Variants in TNR observed in about 807,000 individuals in gnomAD.
TNR encodes tenascin R, also known as tenascin-R.
A neutral mutation model predicts 150.4 loss-of-function variants in TNR; 45 were observed. The observed-to-expected ratio is 0.30, with a 90% confidence interval of 0.24 to 0.38. TNR has a LOEUF of 0.38. Ranked by LOEUF, TNR falls within the 10% of genes least tolerant of loss-of-function variation. TNR has a pLI of 1.00. For synonymous variants in TNR, 687 were observed against 678.4 expected, an observed-to-expected ratio of 1.01 and a Z score of -0.20; for missense variants, 1,544 against 1,759.1, an observed-to-expected ratio of 0.88 and a Z score of 2.19.
chr1:175,319,319 G>T lies in TNR; in HGVS notation c.*4038C>A, dbSNP rs1268588917. 6.6e-6 allele frequency: 1 copy of T among 152,238 alleles called. No homozygotes were observed. Among genetic ancestry groups the T allele is most frequent in the African/African-American group, 2.4e-5 (1 of 41,470 alleles). The allele number at this position is 152,238 out of a possible 1,614,324, so 9.4% of individuals were successfully genotyped here. A position where few individuals can be genotyped will look rare whatever the true frequency, so the allele number is the denominator to read the frequency against. ...CATGTTCTGTCTTTTCTCCAGAGGAGAGGACAAAGAGGAACTCATAAACTC... is the reference window on the plus strand; with the variant it reads ...CATGTTCTGTCTTTTCTCCAGAGGATAGGACAAAGAGGAACTCATAAACTC... On this transcript the variant is annotated 3_prime_UTR_variant, in exon 23 of 23. Coordinates refer to ENST00000367674, the MANE Select transcript of TNR (RefSeq NM_003285.3).
intron 2 of TNR, among the ~76,000 whole-genome samples, chr1:175,435,497 T>A (rs1396733824): frequency 6.6e-6 from 1 of 152,166 alleles, no homozygotes; most frequent in Non-Finnish European, 1.5e-5. Context: ...GAGATAGCGA[T>A]TAGAATTCCA....
chr1:175,366,168 C>T (rs375275972), intron 10 of TNR, 30 bp from the exon 11 acceptor site: 1 of 1,558,494 alleles, frequency 6.4e-7, no homozygotes, highest in African/African-American at 1.4e-5. Flanking sequence ...GCCTATTTTA[C>T]ATGTGTTCCC....
At chr1:175,614,334 A>G (rs1221070801) in intron 1 of TNR, among the ~76,000 whole-genome samples, 1 of 152,050 alleles carries the variant, frequency 6.6e-6, no homozygotes, top group African/African-American at 2.4e-5. Flanking sequence ...TGAGCCAGGC[A>G]CCCTAGGTCA....
At chr1:175,696,311 C>G (rs573135379) in intron 1 of TNR, among the ~76,000 whole-genome samples, 1 of 148,644 alleles carries the variant, frequency 6.7e-6, no homozygotes, top group Non-Finnish European at 1.5e-5. Context: ...ATGGGCGGGC[C>G]AGCTGGGAGT....
At chr1:175,508,312 G>T (rs1324136084) in intron 2 of TNR, among the ~76,000 whole-genome samples, 5 of 152,158 alleles carry the variant, frequency 3.3e-5, no homozygotes, top group Non-Finnish European at 5.9e-5. Flanking sequence ...GTATCTTTAA[G>T]TGGGAAGAAC....
At chr1:175,527,571 C>T (rs1659894260) in intron 2 of TNR, among the ~76,000 whole-genome samples, 1 of 152,130 alleles carries the variant, frequency 6.6e-6, no homozygotes, top group East Asian at 1.9e-4. Context: ...AAAACGGCCA[C>T]ACCTGTTTGA....
intron 1 of TNR, among the ~76,000 whole-genome samples, chr1:175,593,308 A>AC (rs1662875462): frequency 6.6e-6 from 1 of 152,144 alleles, no homozygotes; most frequent in Admixed American, 6.5e-5. Context: ...CCAGCCCTTT[A>AC]CACTGTTCAC....
chr1:175,687,487 T>C lies in TNR; in HGVS notation c.-165+55739A>G, dbSNP rs114186339. Among the ~76,000 whole-genome samples, 362 of 152,230 alleles carry C rather than the reference T, an allele frequency of 2.4e-3. 2 individuals are homozygous for C. Among genetic ancestry groups the C allele is most frequent in the African/African-American group, 8.5e-3 (351 of 41,530 alleles). On this transcript the variant is annotated intron_variant, in intron 1 of 22. Transcript: ENST00000367674. ...GAAGCATGCTATAATAGGAAGAACATAGCATTCAAAACAAAGCAACATGTT... is the reference window on the plus strand; with the variant it reads ...GAAGCATGCTATAATAGGAAGAACACAGCATTCAAAACAAAGCAACATGTT...
chr1:175,682,340 G>C (rs1441567265), intron 1 of TNR, among the ~76,000 whole-genome samples: 1 of 152,180 alleles, frequency 6.6e-6, no homozygotes. Context: ...ACTCTATGGA[G>C]TGGGGGTGAC....
rs552408352 is a variant in TNR, at chr1:175,729,262, G to A, written c.-165+13964C>T. 3.7e-4 allele frequency among the ~76,000 whole-genome samples: 57 copies of A among 152,274 alleles called. 1 individual carries two copies. The highest frequency in any genetic ancestry group is 1.3e-3 in the African/African-American group (52 of 41,552). On this transcript the variant is annotated intron_variant, in intron 1 of 22. Transcript: ENST00000367674. ...TGCTGACACGCAAATCAATAGGGAAGCATTTTCCTGGAGTGGAGCCCCTGG... is the reference window on the plus strand; with the variant it reads ...TGCTGACACGCAAATCAATAGGGAAACATTTTCCTGGAGTGGAGCCCCTGG...
At chr1:175,594,719 G>A (rs998788832) in intron 1 of TNR, among the ~76,000 whole-genome samples, 14 of 152,012 alleles carry the variant, frequency 9.2e-5, no homozygotes, top group African/African-American at 3.4e-4. Flanking sequence ...TCCATGCATA[G>A]TGGTGCACAC....
At chr1:175,648,133 G>A (rs1385198074) in intron 1 of TNR, among the ~76,000 whole-genome samples, 1 of 151,898 alleles carries the variant, frequency 6.6e-6, no homozygotes, top group African/African-American at 2.4e-5. Context: ...CCCCTTCCTA[G>A]TCCTGTTTTA....
intron 2 of TNR, among the ~76,000 whole-genome samples, chr1:175,512,888 T>C (rs146849150): frequency 1.2e-3 from 188 of 152,240 alleles, no homozygotes; most frequent in African/African-American, 4.2e-3. Flanking sequence ...CCAGCTCCAG[T>C]TGGTTTCTGT....
intron 1 of TNR, among the ~76,000 whole-genome samples, chr1:175,534,140 C>T (rs1660179219): frequency 6.6e-6 from 1 of 152,224 alleles, no homozygotes; most frequent in African/African-American, 2.4e-5. Context: ...CAACCTCATG[C>T]TCACACAAGA....
At chr1:175,586,461 C>T (rs183227821) in intron 1 of TNR, among the ~76,000 whole-genome samples, 39 of 152,148 alleles carry the variant, frequency 2.6e-4, no homozygotes, top group Middle Eastern at 3.4e-3. Context: ...CCACCATGGC[C>T]GGCTAATTTT....
chr1:175,386,230 G>T lies in TNR; in HGVS notation c.1579C>A (p.Pro527Thr). ...AGAATGAAATCGACTTTGGCTCGAG[G>T]GGGAATCCACTCCACAAAAGCCACA... Reference protein sequence around the residue: ...DTVAFVEWIPPRAKVDFILLK... With the variant: ...DTVAFVEWIPTRAKVDFILLK... Residue 527 changes from proline to threonine, a missense_variant, in exon 8 of 23, where the codon CCT becomes ACT. By Grantham distance (38) the Pro-to-Thr change is conservative. This residue lies in a region of TNR where 1,254 missense variants were observed against 1,329.4 expected (regional missense o/e 0.94). Transcript: ENST00000367674. 1 of 1,607,752 alleles carries T rather than the reference G, an allele frequency of 6.2e-7. No individual in the cohort carries two copies. The highest frequency in any genetic ancestry group is 1.1e-5 in the South Asian group (1 of 90,778).
rs200305105 is a variant in TNR at position 175,592,236 on chromosome 1, A to G, written c.-164-63867T>C. Among the ~76,000 whole-genome samples the G allele has an allele frequency of 2.7e-4, 41 of 152,340 alleles. No individual in the cohort carries two copies. The East Asian group carries it at 2.9e-3, about 11-fold the overall frequency. ...GCAAATAGTCCATAATAAGTGCTCA[A>G]CAATTGTTAACTCGGGTGGTTATTA... On this transcript the variant is annotated intron_variant, in intron 1 of 22. Transcript: ENST00000367674.
intron 1 of TNR, among the ~76,000 whole-genome samples, chr1:175,698,400 C>G (rs1200395779): frequency 2.6e-5 from 4 of 151,964 alleles, no homozygotes. Flanking sequence ...AAAGAGGGCT[C>G]TATATAGAGG....
chr1:175,695,627 C>A (rs765546158), intron 1 of TNR, among the ~76,000 whole-genome samples: 1 of 152,170 alleles, frequency 6.6e-6, no homozygotes, highest in Non-Finnish European at 1.5e-5. Flanking sequence ...CTCCTTAAAC[C>A]CCTCTTTCTA....
Sources: gnomAD v4.1 joint callset for allele counts (sites outside exome capture counted in the v4.1 genomes callset) on GRCh38, gnomAD v4.1.1 for gene constraint, gnomAD v4.1.1 regional missense constraint, MANE v1.5 for transcripts, NCBI Gene and HGNC (gene_info 2026-07-23, HGNC 2026-07-21) for gene names.